Variants in GPC5 observed in about 807,000 individuals in gnomAD.
The protein encoded by GPC5 is glypican-5.
A neutral mutation model predicts 53.9 loss-of-function variants in GPC5; 47 were observed. The ratio of observed to expected loss-of-function variants is 0.87; its 90% confidence interval spans 0.69 to 1.11. The LOEUF (loss-of-function observed/expected upper bound fraction) is 1.11, where lower values mean the gene tolerates loss of function less well. Ranked by LOEUF, GPC5 falls within the 50% of genes most tolerant of loss-of-function variation. The probability of loss-of-function intolerance (pLI) is 0.00; values close to 1 mark genes in which losing one functional copy is unlikely to be tolerated. For synonymous variants in GPC5, 286 were observed against 263.3 expected, an observed-to-expected ratio of 1.09 and a Z score of -0.84; for missense variants, 748 against 713.1, an observed-to-expected ratio of 1.05 and a Z score of -0.56.
intron 7 of GPC5, among the ~76,000 whole-genome samples, chr13:92,481,327 T>C (rs1342002054): frequency 1.3e-5 from 2 of 152,096 alleles, no homozygotes; most frequent in Admixed American, 1.3e-4. Context: ...GGTCTCGATC[T>C]CCTGATCTCG....
chr13:92,576,219 A>G (rs1251151295), intron 7 of GPC5, among the ~76,000 whole-genome samples: 1 of 152,164 alleles, frequency 6.6e-6, no homozygotes, highest in African/African-American at 2.4e-5. Flanking sequence ...GTTTTATGAA[A>G]AGCTCCTACT....
chr13:92,779,835 A>C (rs1020646995), intron 7 of GPC5, among the ~76,000 whole-genome samples: 12 of 152,198 alleles, frequency 7.9e-5, no homozygotes, highest in African/African-American at 2.7e-4. Flanking sequence ...CAAACTCATA[A>C]ACCAGAAACC....
chr13:92,407,733 T>G (rs1326948445), intron 7 of GPC5, among the ~76,000 whole-genome samples: 1 of 152,038 alleles, frequency 6.6e-6, no homozygotes, highest in Non-Finnish European at 1.5e-5. Flanking sequence ...TTTAAAGACT[T>G]GAGGAAAAAT....
intron 7 of GPC5, among the ~76,000 whole-genome samples, chr13:92,517,933 A>T (rs1462907834): frequency 6.6e-6 from 1 of 152,224 alleles, no homozygotes; most frequent in Non-Finnish European, 1.5e-5. Flanking sequence ...CCTTGAAAAA[A>T]GATTAGATGA....
intron 7 of GPC5, among the ~76,000 whole-genome samples, chr13:92,399,574 C>T (rs1240891940): frequency 6.6e-6 from 1 of 152,078 alleles, no homozygotes; most frequent in African/African-American, 2.4e-5. Flanking sequence ...ACGCAGAGGC[C>T]TGTTGTTCCC....
intron 2 of GPC5, among the ~76,000 whole-genome samples, chr13:91,536,919 C>T (rs1390405879): frequency 1.3e-5 from 2 of 152,036 alleles, no homozygotes; most frequent in Admixed American, 6.6e-5. Context: ...ATCATATGTC[C>T]ATGTAAAATA....
At chr13:91,882,837 G>GT (rs879780079) in intron 5 of GPC5, among the ~76,000 whole-genome samples, 4 of 151,692 alleles carry the variant, frequency 2.6e-5, no homozygotes, top group Non-Finnish European at 5.9e-5. Flanking sequence ...AGTTATTGCA[G>GT]TTTTTGCTAA....
chr13:91,414,480 A>G (rs777172269), intron 1 of GPC5, among the ~76,000 whole-genome samples: 1 of 152,220 alleles, frequency 6.6e-6, no homozygotes, highest in South Asian at 2.1e-4. Context: ...TGATGTTTCC[A>G]TATGGAAAAC....
intron 5 of GPC5, among the ~76,000 whole-genome samples, chr13:91,902,750 T>C (rs2039510496): frequency 1.3e-5 from 2 of 152,082 alleles, no homozygotes; most frequent in Admixed American, 1.3e-4. Context: ...AAAAATTTAA[T>C]CTAGAAACCA....
chr13:91,486,982 GGCTAGGGAA>G (rs1883643257), intron 2 of GPC5: 1 of 152,134 alleles, frequency 6.6e-6, no homozygotes. Flanking sequence ...CTGATGTGGG[GGCTAGGGAA>G]TTGAAGCTTG....
At chr13:92,187,981 C>T (rs1415321498) in intron 7 of GPC5, among the ~76,000 whole-genome samples, 1 of 152,092 alleles carries the variant, frequency 6.6e-6, no homozygotes, top group Non-Finnish European at 1.5e-5. Context: ...ACATAGAAAT[C>T]CCACTAGGGT....
chr13:91,656,946 A>G (rs1057276694), intron 2 of GPC5, among the ~76,000 whole-genome samples: 3 of 152,180 alleles, frequency 2.0e-5, no homozygotes, highest in African/African-American at 7.2e-5. Context: ...CAGTTTAGCA[A>G]AAAGGAACTC....
At chr13:92,669,209 C>T (rs1289021664) in intron 7 of GPC5, among the ~76,000 whole-genome samples, 1 of 152,084 alleles carries the variant, frequency 6.6e-6, no homozygotes, top group East Asian at 1.9e-4. Flanking sequence ...CTCCGCTAAG[C>T]TGTTTATCCT....
chr13:92,305,122 C>G (rs1288981650), intron 7 of GPC5, among the ~76,000 whole-genome samples: 1 of 152,076 alleles, frequency 6.6e-6, no homozygotes, highest in East Asian at 1.9e-4. Context: ...CTCAACTATT[C>G]ATACTAAGAA....
At chr13:91,407,051 G>A (rs1459228912) in intron 1 of GPC5, among the ~76,000 whole-genome samples, 1 of 152,098 alleles carries the variant, frequency 6.6e-6, no homozygotes, top group Non-Finnish European at 1.5e-5. Context: ...CTGTGATTAG[G>A]CCAACATTTA....
intron 7 of GPC5, chr13:92,509,555 G>T (rs1414419827): frequency 6.6e-6 from 1 of 152,126 alleles, no homozygotes; most frequent in Non-Finnish European, 1.5e-5. Context: ...TTCTACAAAT[G>T]TGTTGGGAAT....
At chr13:92,002,841 C>A (rs1480349201) in intron 6 of GPC5, among the ~76,000 whole-genome samples, 1 of 152,178 alleles carries the variant, frequency 6.6e-6, no homozygotes, top group Non-Finnish European at 1.5e-5. Context: ...GCTGAAAACT[C>A]TTCCCTGTGC....
chr13:92,002,692 T>C (rs2040566110), intron 6 of GPC5, among the ~76,000 whole-genome samples: 1 of 151,996 alleles, frequency 6.6e-6, no homozygotes, highest in Admixed American at 6.6e-5. Flanking sequence ...AGAAACAAGA[T>C]AGGAATGGAA....
intron 5 of GPC5, among the ~76,000 whole-genome samples, chr13:91,826,769 A>G (rs2038581937): frequency 6.6e-6 from 1 of 152,094 alleles, no homozygotes; most frequent in African/African-American, 2.4e-5. Context: ...TTGGTAAAGG[A>G]AAGCATTGTT....
Sources: gnomAD v4.1 joint callset for allele counts (sites outside exome capture counted in the v4.1 genomes callset) on GRCh38, gnomAD v4.1.1 for gene constraint, MANE v1.5 for transcripts, NCBI Gene and HGNC (gene_info 2026-07-23, HGNC 2026-07-21) for gene names.